WNT8A: variants seen among roughly 807,000 people sequenced by gnomAD.
The protein encoded by WNT8A is protein Wnt-8a.
In WNT8A, 14 loss-of-function variants were observed where a neutral mutation model predicts 20.5. The observed-to-expected ratio is 0.68, with a 90% CI of 0.45 to 1.07. WNT8A has a LOEUF of 1.07. WNT8A is among the 50% of genes least tolerant of loss of function. The probability of loss-of-function intolerance (pLI) is 0.00; values close to 1 mark genes in which losing one functional copy is unlikely to be tolerated. For synonymous variants in WNT8A, 167 were observed against 169.2 expected (o/e 0.99, Z 0.10); for missense variants, 397 against 462.9 (o/e 0.86, Z 1.31).
chr5:138,085,853 CAAAAAAA>C (rs11377173), intron 2 of WNT8A, among the ~76,000 whole-genome samples: 2 of 74,932 alleles, frequency 2.7e-5, no homozygotes, highest in Admixed American at 3.3e-4. Flanking sequence ...GACCTTGTCT[CAAAAAAA>C]AAAAAAAAAA....
Position 138,091,295 on chromosome 5 carries a change from C to G in WNT8A, c.*222C>G, listed in dbSNP as rs1230456573. 7.7e-6 allele frequency: 12 copies of G among 1,550,988 alleles called. No homozygotes were observed. The highest frequency in any genetic ancestry group is 1.7e-5 in the Admixed American group (1 of 58,408). On this transcript the variant is annotated 3_prime_UTR_variant, in exon 5 of 5. Transcript: ENST00000506684. ...GGGCCTCCTGACTTTGGCAGACCCC[C>G]ATTTCATCTTTCCTGCAAACTACTT...
chr5:138,091,179 G>T lies in WNT8A; in HGVS notation c.*106G>T. 1 of 1,540,696 alleles carries T rather than the reference G, an allele frequency of 6.5e-7. No homozygotes were observed. Among genetic ancestry groups the T allele is most frequent in the Non-Finnish European group, 8.7e-7 (1 of 1,153,606 alleles). On this transcript the variant is annotated 3_prime_UTR_variant, in exon 5 of 5. Transcript: ENST00000506684. ...AAGCAATCGGAAAATTGCAGTTTTG[G>T]TCTGTAGTCCTCATGATATCTGCTA...
rs777996064 is a variant in WNT8A at position 138,090,728 on chromosome 5, C to T, written c.765C>T (p.Pro255=). The part of the protein sequence containing the change: ...AGNSAEGHWV[P]AEAFLPSAEA... ...ACAGCGCCGAGGGCCACTGGGTGCC[C>T]GCTGAGGCCTTCCTTCCTAGCGCAG... The change falls in exon 5 of 5, where the codon CCC becomes CCT. Residue 255 remains proline, a synonymous_variant. Coordinates refer to ENST00000506684, the MANE Select transcript of WNT8A (RefSeq NM_001300939.2). 8.7e-6 allele frequency: 14 copies of T among 1,614,096 alleles called. No homozygotes were observed. Among genetic ancestry groups the T allele is most frequent in the East Asian group, 2.2e-5 (1 of 44,896 alleles).
At chr5:138,081,591 G>A (rs1382913457), upstream of WNT8A, among the ~76,000 whole-genome samples, 5 of 151,996 alleles carry the variant, frequency 3.3e-5, no homozygotes, top group African/African-American at 9.7e-5. Context: ...ACAGAGAAAA[G>A]GCCGCTGAGG....
At chr5:138,078,285 A>T in the WNT8A span, among the ~76,000 whole-genome samples, 1 of 152,092 alleles carries the variant, frequency 6.6e-6, no homozygotes, top group Non-Finnish European at 1.5e-5. Context: ...ATATGCATGG[A>T]GGCTCATTCT....
intron 4 of WNT8A, among the ~76,000 whole-genome samples, chr5:138,090,062 C>T (rs1750795574): frequency 6.6e-6 from 1 of 152,168 alleles, no homozygotes; most frequent in Non-Finnish European, 1.5e-5. Flanking sequence ...AGAGAAGACC[C>T]AGAGGACAAA....
chr5:138,084,246 G>T lies in WNT8A; in HGVS notation c.119G>T (p.Gly40Val), dbSNP rs769811836. 107 of 1,613,966 alleles carry T rather than the reference G, an allele frequency of 6.6e-5. No individual in the cohort carries two copies. The highest frequency in any genetic ancestry group is 8.6e-5 in the Non-Finnish European group (102 of 1,180,020). Residue 40 changes from glycine to valine, a missense_variant, in exon 1 of 5, where the codon GGT becomes GTT. Gly to Val is a moderately radical substitution (Grantham distance 109, BLOSUM62 -3). Transcript: ENST00000506684. ...IHLCLTFSLF[G>V]RSVNNFLITG... ...CTCTGCCTCACTTTTTCTCTTTTTG[G>T]TAGGTCAGTGAACAATTTCCTGATA...
At chr5:138,086,482 T>C (rs1030588513) in intron 2 of WNT8A, among the ~76,000 whole-genome samples, 3 of 152,032 alleles carry the variant, frequency 2.0e-5, no homozygotes, top group African/African-American at 7.2e-5. Flanking sequence ...CCTCCCAAAG[T>C]GCTGGGATTA....
upstream of WNT8A, among the ~76,000 whole-genome samples, chr5:138,082,920 T>TAAAA (rs1227017893): frequency 4.2e-4 from 54 of 129,750 alleles, no homozygotes; most frequent in South Asian, 1.0e-3. Flanking sequence ...AATAAATAAA[T>TAAAA]AAAATAAAAT....
rs779703523 is a variant in WNT8A, at chr5:138,087,947, T to C, written c.421+16T>C. 8 of 1,612,716 alleles carry C rather than the reference T, an allele frequency of 5.0e-6. No individual in the cohort carries two copies. The Admixed American group carries it at 6.7e-5, about 13-fold the overall frequency. On this transcript the variant is annotated intron_variant, in intron 3 of 4. Transcript: ENST00000506684. ...GGAAAAACAGGTAAGTTGAGCTTTC[T>C]AATGGGGGTGGGAAGAGGTGAGGGG...
chr5:138,081,371 T>G (rs1338746258), upstream of WNT8A, among the ~76,000 whole-genome samples: 1 of 151,884 alleles, frequency 6.6e-6, no homozygotes, highest in African/African-American at 2.4e-5. Context: ...AAATGCCAGG[T>G]GCAGCGGAGA....
chr5:138,080,102 C>T (rs1333666839), upstream of WNT8A, among the ~76,000 whole-genome samples: 1 of 152,002 alleles, frequency 6.6e-6, no homozygotes, highest in Non-Finnish European at 1.5e-5. Context: ...GTGAGCAAAT[C>T]CCTTGAAGCC....
chr5:138,084,557 CAAGTTCCAGTT>C lies in WNT8A; in HGVS notation c.217_227del (p.Lys73CysfsTer9). ...GTGCCCAGAGTGGCATCGAGGAGTGCAAGTTCCAGTTTGCTTGGGAACGCTGGAACTGCCCT... is the reference window on the plus strand; with the variant it reads ...GTGCCCAGAGTGGCATCGAGGAGTGCTGCTTGGGAACGCTGGAACTGCCCT... On this transcript the variant is annotated frameshift_variant, in exon 2 of 5. Coordinates refer to ENST00000506684, the MANE Select transcript of WNT8A (RefSeq NM_001300939.2). LOFTEE classifies it high-confidence loss of function. The C allele has an allele frequency of 6.2e-7, 1 of 1,613,878 alleles. No individual in the cohort carries two copies. The highest frequency in any genetic ancestry group is 8.5e-7 in the Non-Finnish European group (1 of 1,179,884).
rs773340255 is a variant in WNT8A at position 138,090,539 on chromosome 5, C to A, written c.576C>A (p.Ala192=). ...NNRAGRLAVR[A]TMKRTCKCHG... ...TTCTCTCTATGAAGGCAGTGAGAGC[C>A]ACCATGAAAAGGACATGCAAATGTC... The change falls in exon 5 of 5, where the codon GCC becomes GCA. Residue 192 remains alanine (A), a synonymous_variant. Coordinates refer to ENST00000506684, the MANE Select transcript of WNT8A (RefSeq NM_001300939.2). 23 of 1,613,688 alleles carry A rather than the reference C, an allele frequency of 1.4e-5. No individual in the cohort carries two copies. Among genetic ancestry groups the A allele is most frequent in the Non-Finnish European group, 1.8e-5 (21 of 1,179,862 alleles).
chr5:138,087,234 G>A (rs1200289542), intron 2 of WNT8A, among the ~76,000 whole-genome samples: 1 of 151,772 alleles, frequency 6.6e-6, no homozygotes, highest in Non-Finnish European at 1.5e-5. Flanking sequence ...GCATGTACCT[G>A]CTACTCAGGA....
chr5:138,090,377 G>A, intron 4 of WNT8A, 151 bp from the exon 5 acceptor site: 1 of 684,252 alleles, frequency 1.5e-6, no homozygotes, highest in Non-Finnish European at 2.4e-6. Context: ...TCTGAGGTAG[G>A]GTCGAGGAAT....
At chr5:138,088,857 G>C (rs1750754855) in intron 3 of WNT8A, 70 bp from the exon 4 acceptor site, 1 of 1,573,166 alleles carries the variant, frequency 6.4e-7, no homozygotes, top group East Asian at 2.3e-5. Flanking sequence ...GGGCTCTTGG[G>C]GGTGGTTTGG....
chr5:138,080,246 C>T (rs1750467018), upstream of WNT8A, among the ~76,000 whole-genome samples: 2 of 151,378 alleles, frequency 1.3e-5, no homozygotes, highest in South Asian at 4.2e-4. Flanking sequence ...TGGCTTTGAA[C>T]CCAGGAGGCA....
chr5:138,084,120 C>G lies in WNT8A; in HGVS notation c.-8C>G. The G allele has an allele frequency of 1.2e-6, 2 of 1,614,176 alleles. No individual in the cohort carries two copies. Among genetic ancestry groups the G allele is most frequent in the Middle Eastern group, 3.3e-4 (2 of 6,062 alleles). ...GAACCTGTTTATGCTCTGGGCAGCTCTGGGCATATGCTGTGCTGCATTCAG... is the reference window on the plus strand; with the variant it reads ...GAACCTGTTTATGCTCTGGGCAGCTGTGGGCATATGCTGTGCTGCATTCAG... On this transcript the variant is annotated 5_prime_UTR_variant, in exon 1 of 5. Transcript: ENST00000506684.
Sources: gnomAD v4.1 joint callset for allele counts (sites outside exome capture counted in the v4.1 genomes callset) on GRCh38, gnomAD v4.1.1 for gene constraint, MANE v1.5 for transcripts, NCBI Gene and HGNC (gene_info 2026-07-23, HGNC 2026-07-21) for gene names.